The following GFOD1 variants were observed in gnomAD, a reference collection of about 807,000 sequenced individuals.
GFOD1 encodes the protein Gfo/Idh/MocA-like oxidoreductase domain containing 1, also known as glucose-fructose oxidoreductase domain-containing protein 1.
In GFOD1, 9 loss-of-function variants were observed where a neutral mutation model predicts 25.4. That is an observed-to-expected ratio of 0.35 (90% CI 0.21 to 0.62). GFOD1 has a LOEUF of 0.62. GFOD1 is among the 20% of genes least tolerant of loss of function. The pLI is 0.72. For synonymous variants in GFOD1, 253 were observed against 245.6 expected (o/e 1.03, Z -0.28); for missense variants, 403 against 556.9 (o/e 0.72, Z 2.78).
chr6:13,365,370 G>A lies in GFOD1; in HGVS notation c.546C>T (p.Asp182=), dbSNP rs201485802. 1 of 1,614,122 alleles carries A rather than the reference G, an allele frequency of 6.2e-7. No individual in the cohort carries two copies. Among genetic ancestry groups the A allele is most frequent in the Non-Finnish European group, 8.5e-7 (1 of 1,179,994 alleles). ...GLHSVGTYII[D]LLTFLTGQKA... ...TTTGGCCGGTGAGGAAGGTGAGCAGGTCGATGATGTAGGTGCCCACGGAGT... is the reference window on the plus strand; with the variant it reads ...TTTGGCCGGTGAGGAAGGTGAGCAGATCGATGATGTAGGTGCCCACGGAGT... Residue 182 remains aspartate, a synonymous_variant, in exon 2 of 2, where the codon GAC becomes GAT. Transcript: ENST00000379287. This position sits in a 1 kb window ranked among gnomAD's most constrained non-coding sequence, Gnocchi z 9.2.
chr6:13,444,208 G>A (rs145777861), intron 1 of GFOD1, among the ~76,000 whole-genome samples: 11 of 152,226 alleles, frequency 7.2e-5, no homozygotes, highest in African/African-American at 2.6e-4. Flanking sequence ...GTATTTTGCG[G>A]GAACATGGAT....
At chr6:13,380,506 C>A (rs768889948) in intron 1 of GFOD1, among the ~76,000 whole-genome samples, 1 of 152,130 alleles carries the variant, frequency 6.6e-6, no homozygotes, top group East Asian at 1.9e-4. Flanking sequence ...GGGGTGCTGG[C>A]GGGAGCAGCT....
At chr6:13,409,344 A>G (rs967169300) in intron 1 of GFOD1, among the ~76,000 whole-genome samples, 2 of 127,228 alleles carry the variant, frequency 1.6e-5, no homozygotes, top group African/African-American at 5.7e-5. Context: ...AAAGAGAGAG[A>G]GAGAAAGAGA....
rs963783192 is a variant in GFOD1, at chr6:13,362,812, A to G, written c.*1931T>C. 1.4e-4 allele frequency: 21 copies of G among 152,228 alleles called. No homozygotes were observed. The highest frequency in any genetic ancestry group is 5.1e-4 in the African/African-American group (21 of 41,446). The allele number at this position is 152,228 out of a possible 1,614,324, so 9.4% of individuals were successfully genotyped here. On this transcript the variant is annotated 3_prime_UTR_variant, in exon 2 of 2. Coordinates refer to ENST00000379287, the MANE Select transcript of GFOD1 (RefSeq NM_018988.4). The stretch of plus-strand genomic sequence containing the variant: ...GCACCTATGAGTAGCCTGGGCTTCA[A>G]AGAATATTGACCCTAGGGAGGACAA...
At chr6:13,417,743 G>A (rs1168614841) in intron 1 of GFOD1, among the ~76,000 whole-genome samples, 1 of 152,212 alleles carries the variant, frequency 6.6e-6, no homozygotes, top group Non-Finnish European at 1.5e-5. Flanking sequence ...AGTGCAGCAG[G>A]AGAATAATTC....
chr6:13,400,852 G>A (rs1001866208), intron 1 of GFOD1, among the ~76,000 whole-genome samples: 2 of 152,120 alleles, frequency 1.3e-5, no homozygotes, highest in Non-Finnish European at 2.9e-5. Context: ...AAGGGAGACT[G>A]GTTCTTCACC....
At chr6:13,422,646 G>A (rs545156509) in intron 1 of GFOD1, among the ~76,000 whole-genome samples, 1 of 152,244 alleles carries the variant, frequency 6.6e-6, no homozygotes, top group Non-Finnish European at 1.5e-5. Flanking sequence ...AGGGAAAAAA[G>A]GAATGAAAAA....
intron 1 of GFOD1, among the ~76,000 whole-genome samples, chr6:13,390,848 C>A (rs1785589364): frequency 6.9e-6 from 1 of 145,340 alleles, no homozygotes; most frequent in South Asian, 2.2e-4. Flanking sequence ...GTATCTACCT[C>A]AAAAGGTTGT....
chr6:13,459,268 A>G (rs867660508), intron 1 of GFOD1, among the ~76,000 whole-genome samples: 1 of 151,886 alleles, frequency 6.6e-6, no homozygotes, highest in Non-Finnish European at 1.5e-5. Flanking sequence ...AGGATTCCCT[A>G]TTTTATAAAT....
intron 1 of GFOD1, among the ~76,000 whole-genome samples, chr6:13,372,765 CT>C (rs1221902729): frequency 6.6e-6 from 1 of 152,202 alleles, no homozygotes; most frequent in Non-Finnish European, 1.5e-5. Context: ...TCAAGCATCC[CT>C]CCCCGTGAGC....
intron 1 of GFOD1, among the ~76,000 whole-genome samples, chr6:13,444,507 A>G (rs189367599): frequency 2.0e-5 from 3 of 152,202 alleles, no homozygotes; most frequent in Admixed American, 2.0e-4. Flanking sequence ...CTCCTGTTAA[A>G]AAAAAAAGAA....
At chr6:13,456,117 T>C (rs1411364904) in intron 1 of GFOD1, among the ~76,000 whole-genome samples, 4 of 152,166 alleles carry the variant, frequency 2.6e-5, no homozygotes, top group Non-Finnish European at 4.4e-5. Context: ...TCTCAGAGGG[T>C]TGAAGGGAAA....
chr6:13,365,942 C>T lies in GFOD1; in HGVS notation c.254-280G>A, dbSNP rs980554876. ...TAATAATGAGCCGGGCGTGGTGGTG[C>T]ACGCCTGTGGTCCCAGCTACTCAGG... On this transcript the variant is annotated intron_variant, in intron 1 of 1. Coordinates refer to ENST00000379287, the MANE Select transcript of GFOD1 (RefSeq NM_018988.4). This position sits in a 1 kb window ranked among gnomAD's most constrained non-coding sequence, Gnocchi z 9.2. 6.7e-6 allele frequency among the ~76,000 whole-genome samples: 1 copy of T among 149,234 alleles called. No homozygotes were observed. The highest frequency in any genetic ancestry group is 1.5e-5 in the Non-Finnish European group (1 of 67,520).
chr6:13,401,123 T>C (rs145751718), intron 1 of GFOD1, among the ~76,000 whole-genome samples: 54 of 152,312 alleles, frequency 3.5e-4, no homozygotes, highest in Non-Finnish European at 6.9e-4. Context: ...TGTCTGACTA[T>C]AGATGTTAGC....
intron 1 of GFOD1, among the ~76,000 whole-genome samples, chr6:13,478,549 T>G (rs1446734429): frequency 6.6e-6 from 1 of 152,178 alleles, no homozygotes; most frequent in Non-Finnish European, 1.5e-5. Flanking sequence ...CCTCCACCCC[T>G]CCAGCAGGGT....
At chr6:13,477,098 G>A (rs987574180) in intron 1 of GFOD1, among the ~76,000 whole-genome samples, 12 of 152,132 alleles carry the variant, frequency 7.9e-5, no homozygotes, top group Non-Finnish European at 1.8e-4. Context: ...AACCAGAGCA[G>A]TTTCTCCACC....
chr6:13,371,425 G>A (rs188117172), intron 1 of GFOD1, among the ~76,000 whole-genome samples: 148 of 152,300 alleles, frequency 9.7e-4, no homozygotes, highest in Non-Finnish European at 1.6e-3. Flanking sequence ...GCCAACACAC[G>A]TTCTTTAGGT....
chr6:13,367,579 G>A (rs1215992717), intron 1 of GFOD1, among the ~76,000 whole-genome samples: 3 of 152,106 alleles, frequency 2.0e-5, no homozygotes, highest in African/African-American at 7.2e-5. Flanking sequence ...ATTACACAGA[G>A]ACCAAAATGC....
rs1784982705 is a variant in GFOD1 at position 13,363,584 on chromosome 6, T to TG, written c.*1158dup. On this transcript the variant is annotated 3_prime_UTR_variant, in exon 2 of 2. Coordinates refer to ENST00000379287, the MANE Select transcript of GFOD1 (RefSeq NM_018988.4). ...TTTTTTTTTTTTTTTTTTTTTTTTTTGTAAGGAAAGAGGATTCTGATTGGA... is the reference window on the plus strand; with the variant it reads ...TTTTTTTTTTTTTTTTTTTTTTTTTTGGTAAGGAAAGAGGATTCTGATTGGA... The TG allele has an allele frequency of 1.1e-5, 1 of 89,694 alleles. No homozygotes were observed. The highest frequency in any genetic ancestry group is 2.3e-5 in the Non-Finnish European group (1 of 43,716). The allele number at this position is 89,694 out of a possible 1,614,324, so 5.6% of individuals were successfully genotyped here. A position where few individuals can be genotyped will look rare whatever the true frequency, so the allele number is the denominator to read the frequency against.
Sources: gnomAD v4.1 joint callset for allele counts (sites outside exome capture counted in the v4.1 genomes callset) on GRCh38, gnomAD v4.1.1 for gene constraint, Gnocchi (gnomAD v3.1) non-coding constraint, MANE v1.5 for transcripts, NCBI Gene and HGNC (gene_info 2026-07-23, HGNC 2026-07-21) for gene names.